IST1: variants seen among roughly 807,000 people sequenced by gnomAD.
The protein encoded by IST1 is IST1 homolog.
Under a neutral mutation model 37.0 loss-of-function variants are expected in IST1, and 23 were observed. The ratio of observed to expected loss-of-function variants is 0.62; its 90% confidence interval spans 0.45 to 0.88. The LOEUF (loss-of-function observed/expected upper bound fraction) is 0.88, where lower values mean the gene tolerates loss of function less well. Ranked by LOEUF, IST1 falls within the 40% of genes least tolerant of loss-of-function variation. The probability of loss-of-function intolerance (pLI) is 0.00; values close to 1 mark genes in which losing one functional copy is unlikely to be tolerated. For missense variants in IST1, 488 were observed against 445.4 expected (o/e 1.10, Z -0.86); for synonymous variants, 180 against 161.7 (o/e 1.11, Z -0.86).
chr16:71,925,357 C>A (rs1336224018), intron 9 of IST1, among the ~76,000 whole-genome samples: 1 of 131,240 alleles, frequency 7.6e-6, no homozygotes, highest in East Asian at 2.2e-4. Flanking sequence ...TGCTCTGTTG[C>A]CCAGGCTGGA....
intron 9 of IST1, among the ~76,000 whole-genome samples, chr16:71,925,165 A>C (rs924479932): frequency 4.0e-5 from 6 of 150,038 alleles, no homozygotes; most frequent in African/African-American, 1.2e-4. Flanking sequence ...GGCGCCCGCC[A>C]CCATGCCTGG....
chr16:71,925,316 A>AT (rs772300347), intron 9 of IST1, among the ~76,000 whole-genome samples: 1,746 of 78,740 alleles, frequency 0.022, 29 homozygotes, highest in Middle Eastern at 0.05. Context: ...CCCCCAGCTG[A>AT]TTTTTTTTTT....
Position 71,924,750 on chromosome 16 carries a change from A to G in IST1, c.853-19A>G. The G allele has an allele frequency of 6.3e-7, 1 of 1,594,882 alleles. No homozygotes were observed. The highest frequency in any genetic ancestry group is 8.6e-7 in the Non-Finnish European group (1 of 1,162,380). ...TGACACTATTGCTGTCTCCTCTGGT[A>G]ACAATCTTTGTGTTTCAGGTAGATG... On this transcript the variant is annotated intron_variant, in intron 8 of 9. Transcript: ENST00000378799.
Position 71,927,868 on chromosome 16 carries a change from C to A in IST1, c.*55C>A. ...TGGGAGTTGAGACTGAGCAATTTCT[C>A]CTTGTAACAAAGAATCTCCATGAAA... On this transcript the variant is annotated 3_prime_UTR_variant, in exon 10 of 10. Coordinates refer to ENST00000378799, the MANE Select transcript of IST1 (RefSeq NM_001270975.2). The A allele has an allele frequency of 8.3e-7, 1 of 1,210,768 alleles. No homozygotes were observed. The highest frequency in any genetic ancestry group is 1.2e-5 in the South Asian group (1 of 81,654). The allele number at this position is 1,210,768 out of a possible 1,614,324, so 75.0% of individuals were successfully genotyped here. A position where few individuals can be genotyped will look rare whatever the true frequency, so the allele number is the denominator to read the frequency against.
intron 1 of IST1, among the ~76,000 whole-genome samples, chr16:71,897,140 A>G (rs1368818753): frequency 6.9e-6 from 1 of 144,090 alleles, no homozygotes; most frequent in Admixed American, 6.9e-5. Flanking sequence ...CAGCCTTGGG[A>G]GTAGTAGCTG....
rs2037580332 is a variant in IST1, at chr16:71,921,410, C to G, written c.509C>G (p.Ala170Gly). The G allele has an allele frequency of 1.2e-6, 2 of 1,613,130 alleles. No homozygotes were observed. The change falls in exon 6 of 10, where the codon GCA (alanine) becomes GGA (glycine). Residue 170 changes from alanine to glycine, a missense_variant. Transcript: ENST00000378799. ...ILVERYLIEI[A>G]KNYNVPYEPD... ...GTGGAGAGATACCTGATTGAAATTG[C>G]AAAGAATTACAACGTACCCTATGAA...
Position 71,924,789 on chromosome 16 carries a change from T to G in IST1, c.873T>G (p.Asp291Glu), listed in dbSNP as rs1013703385. 1.2e-6 allele frequency: 2 copies of G among 1,610,342 alleles called. No individual in the cohort carries two copies. The highest frequency in any genetic ancestry group is 2.7e-5 in the African/African-American group (2 of 74,880). Residue 291 changes from aspartate (D) to glutamate (E), a missense_variant, in exon 9 of 10, where the codon GAT becomes GAG. Physicochemically the swap from Asp to Glu is conservative, Grantham distance 45. Transcript: ENST00000378799. ...TTCAGGTAGATGACATTAATGCTGA[T>G]AAGAATATCTCTTCTGCACAGATTG... ...SYESVDDINA[D>E]KNISSAQIVG...
intron 9 of IST1, among the ~76,000 whole-genome samples, chr16:71,926,162 A>G (rs2037737573): frequency 6.6e-6 from 1 of 151,768 alleles, no homozygotes; most frequent in Non-Finnish European, 1.5e-5. Flanking sequence ...GGCGCCTGTA[A>G]TCCCAGCTAC....
Position 71,929,358 on chromosome 16 carries a change from T to G in IST1, c.*1545T>G, listed in dbSNP as rs866378106. ...AGCAGAGCTAGTTTGTCTCGTAGTA[T>G]TCTTGCATTGTTAATCCTATCTTGA... On this transcript the variant is annotated 3_prime_UTR_variant, in exon 10 of 10. Transcript: ENST00000378799. 230 of 576,290 alleles carry G rather than the reference T, an allele frequency of 4.0e-4. 1 individual carries two copies. Among genetic ancestry groups the G allele is most frequent in the Middle Eastern group, 9.5e-4 (2 of 2,096 alleles). The allele number at this position is 576,290 out of a possible 1,614,324, so 35.7% of individuals were successfully genotyped here. A position where few individuals can be genotyped will look rare whatever the true frequency, so the allele number is the denominator to read the frequency against.
chr16:71,921,287 G>A (rs1212884169), intron 5 of IST1, 56 bp from the exon 6 acceptor site: 8 of 1,020,744 alleles, frequency 7.8e-6, no homozygotes, highest in South Asian at 7.7e-5. Context: ...ATAGTGAGGT[G>A]AGGATTAGGC....
At chr16:71,894,558 T>C (rs750450539), upstream of IST1, 85 of 307,776 alleles carry the variant, frequency 2.8e-4, no homozygotes, top group Non-Finnish European at 1.6e-4. Context: ...TTTTCTTTTT[T>C]TCTGTAGCCT....
chr16:71,926,778 A>AT (rs907257325), intron 9 of IST1, among the ~76,000 whole-genome samples: 2 of 152,042 alleles, frequency 1.3e-5, no homozygotes, highest in Admixed American at 6.6e-5. Flanking sequence ...CACTATTTTG[A>AT]TTTTTTTGTA....
intron 1 of IST1, among the ~76,000 whole-genome samples, chr16:71,905,347 TA>T (rs955367849): frequency 5.9e-4 from 89 of 151,290 alleles, no homozygotes; most frequent in African/African-American, 2.1e-3. Flanking sequence ...TACAATTTTT[TA>T]GTGGTTGCTC....
At chr16:71,899,808 G>T (rs1422560012) in intron 1 of IST1, among the ~76,000 whole-genome samples, 3 of 152,148 alleles carry the variant, frequency 2.0e-5, no homozygotes, top group African/African-American at 4.8e-5. Flanking sequence ...TGGATCACAA[G>T]GTCAGGAGAT....
Position 71,920,768 on chromosome 16 carries a change from C to T in IST1, c.387C>T (p.Ser129=). Reference sequence around the variant, plus strand: ...CTGATCAGCTCTGTGCCAAGTATAGCAAGGAATATGGCAAGCTATGTAGGA... The same window carrying T: ...CTGATCAGCTCTGTGCCAAGTATAGTAAGGAATATGGCAAGCTATGTAGGA... ...IVADQLCAKY[S]KEYGKLCRTN... The change falls in exon 5 of 10, where the codon AGC becomes AGT. Residue 129 remains serine (S), a synonymous_variant. Coordinates refer to ENST00000378799, the MANE Select transcript of IST1 (RefSeq NM_001270975.2). The T allele has an allele frequency of 6.2e-7, 1 of 1,613,832 alleles. No individual in the cohort carries two copies. The highest frequency in any genetic ancestry group is 8.5e-7 in the Non-Finnish European group (1 of 1,179,756).
chr16:71,898,002 T>G (rs912361188), intron 1 of IST1, among the ~76,000 whole-genome samples: 1 of 152,110 alleles, frequency 6.6e-6, no homozygotes. Context: ...ACTACAAGGT[T>G]TTAGACTGTA....
At chr16:71,906,640 A>G (rs1278167495) in intron 1 of IST1, among the ~76,000 whole-genome samples, 2 of 152,100 alleles carry the variant, frequency 1.3e-5, no homozygotes, top group East Asian at 1.9e-4. Context: ...GATCAGGTCT[A>G]CTGGTGACAA....
rs569103571 is a variant in IST1 at position 71,921,258 on chromosome 16, TGA to T, written c.442-81_442-80del. 2.1e-3 allele frequency: 1,669 copies of T among 804,182 alleles called. 8 individuals are homozygous for T. The highest frequency in any genetic ancestry group is 2.8e-3 in the Non-Finnish European group (1,292 of 464,526). 49.8% of individuals were successfully genotyped at this position (804,182 alleles called of 1,614,324 possible). On this transcript the variant is annotated intron_variant, in intron 5 of 9. Transcript: ENST00000378799. ...TTTTCCCTCAATATTACCTGTAAAA[TGA>T]GAGGAGCTAACTTCGCATAGTGAGG... is the stretch of plus-strand genomic sequence containing the variant.
chr16:71,902,660 T>G (rs979996000), intron 1 of IST1, among the ~76,000 whole-genome samples: 11 of 152,234 alleles, frequency 7.2e-5, no homozygotes, highest in Admixed American at 1.3e-4. Flanking sequence ...AGGGATTTGT[T>G]TATTTCATTT....
Sources: gnomAD v4.1 joint callset for allele counts (sites outside exome capture counted in the v4.1 genomes callset) on GRCh38, gnomAD v4.1.1 for gene constraint, MANE v1.5 for transcripts, NCBI Gene and HGNC (gene_info 2026-07-23, HGNC 2026-07-21) for gene names.